GALK2: variants seen among roughly 807,000 people sequenced by gnomAD.
GALK2 encodes the protein N-acetylgalactosamine kinase.
GALK2 carries 36 observed loss-of-function variants against 52.4 expected under a neutral mutation model. The observed-to-expected ratio is 0.69, with a 90% CI of 0.53 to 0.91. GALK2 has a LOEUF of 0.91. Ranked by LOEUF, GALK2 falls within the 40% of genes least tolerant of loss-of-function variation. The pLI, the probability that GALK2 is intolerant of heterozygous loss-of-function variation, is 0.00. For missense variants in GALK2, 579 were observed against 559.1 expected (o/e 1.04, Z -0.36); for synonymous variants, 176 against 199.1 (o/e 0.88, Z 0.98).
chr15:49,350,783 T>A (rs2042127755), intron 3 of GALK2, among the ~76,000 whole-genome samples: 1 of 152,168 alleles, frequency 6.6e-6, no homozygotes. Context: ...GACTTTTCCT[T>A]TCCTAACAGT....
intron 3 of GALK2, among the ~76,000 whole-genome samples, chr15:49,337,858 T>C (rs1171904653): frequency 2.0e-5 from 3 of 152,242 alleles, no homozygotes; most frequent in Admixed American, 2.0e-4. Flanking sequence ...GGCTGCATAG[T>C]ATTCCATGGT....
rs764331208 is a variant in GALK2, at chr15:49,319,777, G to A, written c.1141G>A (p.Glu381Lys). The stretch of plus-strand genomic sequence containing the variant: ...GGACATGTATGAGTGCAGCTGCCCC[G>A]AGCTGGATCAGCTGGTGGACATCTG... ...CRDMYECSCP[E>K]LDQLVDICRK... Residue 381 changes from glutamate to lysine, a missense_variant, in exon 9 of 10, where the codon GAG (glutamate) becomes AAG (lysine). By Grantham distance (56) the Glu-to-Lys change is moderately conservative. Transcript: ENST00000560031. 2.7e-5 allele frequency: 44 copies of A among 1,613,802 alleles called. No individual in the cohort carries two copies. The highest frequency in any genetic ancestry group is 1.7e-4 in the Middle Eastern group (1 of 5,980).
At chr15:49,218,232 A>T (rs2089535738) in intron 3 of GALK2, among the ~76,000 whole-genome samples, 1 of 152,214 alleles carries the variant, frequency 6.6e-6, no homozygotes, top group African/African-American at 2.4e-5. Flanking sequence ...TTACTGTAGA[A>T]GATCTTTTTT....
chr15:49,214,892 A>G (rs1397650770), intron 2 of GALK2, among the ~76,000 whole-genome samples: 1 of 152,002 alleles, frequency 6.6e-6, no homozygotes, highest in Admixed American at 6.6e-5. Context: ...AACTCTCTTT[A>G]ACATTTTTTG....
At chr15:49,215,483 T>A (rs1595701671) in intron 2 of GALK2, among the ~76,000 whole-genome samples, 2 of 152,072 alleles carry the variant, frequency 1.3e-5, no homozygotes, top group African/African-American at 2.4e-5. Context: ...AGGTTCACTA[T>A]TTATTTTTCT....
intron 1 of GALK2, among the ~76,000 whole-genome samples, chr15:49,174,898 G>A (rs528026696): frequency 1.8e-4 from 27 of 152,312 alleles, no homozygotes; most frequent in African/African-American, 6.5e-4. Context: ...GTAGAAAGAA[G>A]AGCTTTATTG....
chr15:49,205,908 G>A (rs1276828045), intron 2 of GALK2, among the ~76,000 whole-genome samples: 1 of 152,078 alleles, frequency 6.6e-6, no homozygotes, highest in Non-Finnish European at 1.5e-5. Context: ...TGATTTTTGT[G>A]TAAGGTGAGA....
At chr15:49,297,852 A>G (rs1196064675) in intron 8 of GALK2, among the ~76,000 whole-genome samples, 4 of 152,068 alleles carry the variant, frequency 2.6e-5, no homozygotes, top group Non-Finnish European at 4.4e-5. Context: ...GTTGGGTGGT[A>G]TAATGGCTCC....
In GALK2 at chr15:49,217,112, T is replaced by C. The variant is rs181895702; in HGVS notation, c.143-78T>C. On this transcript the variant is annotated intron_variant, in intron 2 of 9. Coordinates refer to ENST00000560031, the MANE Select transcript of GALK2 (RefSeq NM_002044.4). ...TAAAACCTGGCTCATGGTCAGTTTT[T>C]TCCTGTATGTAAACTTTCTTGAGGT... The C allele has an allele frequency of 5.3e-3, 7,071 of 1,324,722 alleles. 26 individuals are homozygous for C. Among genetic ancestry groups the C allele is most frequent in the Non-Finnish European group, 6.7e-3 (6,377 of 956,900 alleles). 82.1% of individuals were successfully genotyped at this position (1,324,722 alleles called of 1,614,324 possible). A position where few individuals can be genotyped will look rare whatever the true frequency, so the allele number is the denominator to read the frequency against.
At position 49,215,995 on chromosome 15, in the gene GALK2, A is replaced by C. The variant is rs540103894; in HGVS notation, c.143-1195A>C. On this transcript the variant is annotated intron_variant, in intron 2 of 9. Transcript: ENST00000560031. ...CCCAGGAATGCTGCAATTCTTCCTG[A>C]CATCTAGAGGCACTGCCTTGACGAG... is the stretch of plus-strand genomic sequence containing the variant. Among the ~76,000 whole-genome samples the C allele has an allele frequency of 3.3e-5, 5 of 152,302 alleles. No homozygotes were observed. The South Asian group carries it at 1.0e-3, about 32-fold the overall frequency.
chr15:49,172,266 G>A (rs1396191880), intron 1 of GALK2, among the ~76,000 whole-genome samples: 3 of 152,064 alleles, frequency 2.0e-5, no homozygotes, highest in Admixed American at 1.3e-4. Context: ...TGTTCTTCTT[G>A]CTTTTCATGA....
chr15:49,177,403 A>T (rs1253738111), intron 1 of GALK2, among the ~76,000 whole-genome samples: 1 of 152,236 alleles, frequency 6.6e-6, no homozygotes, highest in Non-Finnish European at 1.5e-5. Context: ...AAGCAAAGAC[A>T]AAAAAGTTTA....
At position 49,328,888 on chromosome 15, in the gene GALK2, T is replaced by C; in HGVS notation, c.*729T>C. ...ACTTTCAATTCTTTTGGCCCTGAGC[T>C]ATCTCCATTACTTAATAGAAAAACT... On this transcript the variant is annotated 3_prime_UTR_variant, in exon 10 of 10. Transcript: ENST00000560031. The C allele has an allele frequency of 5.4e-6, 7 of 1,300,082 alleles. No individual in the cohort carries two copies. Among genetic ancestry groups the C allele is most frequent in the Non-Finnish European group, 6.9e-6 (7 of 1,019,910 alleles). 80.5% of individuals were successfully genotyped at this position (1,300,082 alleles called of 1,614,324 possible).
chr15:49,242,047 G>GAATTTCATGCCC (rs1006205736), intron 5 of GALK2, among the ~76,000 whole-genome samples: 3 of 151,916 alleles, frequency 2.0e-5, no homozygotes, highest in Non-Finnish European at 4.4e-5. Flanking sequence ...GAGTGAGACA[G>GAATTTCATGCCC]AATCTTGAAT....
chr15:49,333,293 C>G (rs1051929593), downstream of GALK2, among the ~76,000 whole-genome samples: 2 of 152,128 alleles, frequency 1.3e-5, no homozygotes, highest in African/African-American at 4.8e-5. Flanking sequence ...ATGAGTATCT[C>G]TTTTGAAGAT....
At chr15:49,234,806 G>A (rs891291530) in intron 3 of GALK2, among the ~76,000 whole-genome samples, 42 of 150,708 alleles carry the variant, frequency 2.8e-4, no homozygotes, top group African/African-American at 9.0e-4. Context: ...TTGCTCTGTC[G>A]CCCAGGCTGG....
Position 49,257,934 on chromosome 15 carries a change from TTTA to T in GALK2, c.504+18570_504+18572del, listed in dbSNP as rs1427840813. On this transcript the variant is annotated intron_variant, in intron 5 of 9. Transcript: ENST00000560031. ...AATTATAATTGTAATAAAATAACATTTTATTTAATTTTAATTATAATTATAATA... is the reference window on the plus strand; with the variant it reads ...AATTATAATTGTAATAAAATAACATTTTTAATTTTAATTATAATTATAATA... Among the ~76,000 whole-genome samples the T allele has an allele frequency of 2.0e-5, 3 of 149,402 alleles. No homozygotes were observed. In the East Asian group the frequency reaches 5.8e-4, roughly 29 times the overall value.
intron 8 of GALK2, chr15:49,319,216 A>C: frequency 2.8e-6 from 1 of 352,436 alleles, no homozygotes. Context: ...GGCCTCCCAA[A>C]GTGCTGGGAT....
chr15:49,237,450 TTTTTTG>T, intron 4 of GALK2, among the ~76,000 whole-genome samples: 1 of 152,014 alleles, frequency 6.6e-6, no homozygotes, highest in Admixed American at 6.5e-5. Context: ...TAATACGTTG[TTTTTTG>T]TTTTTGTTTT....
Sources: allele counts gnomAD v4.1 joint callset (sites outside exome capture counted in the v4.1 genomes callset), GRCh38; gene constraint gnomAD v4.1.1; transcripts MANE v1.5; gene names NCBI Gene and HGNC (gene_info 2026-07-23, HGNC 2026-07-21).